Variants in NDUFS4 observed in about 807,000 individuals in gnomAD.
NDUFS4 encodes NADH dehydrogenase [ubiquinone] iron-sulfur protein 4, mitochondrial.
NDUFS4 carries 28 observed loss-of-function variants against 24.3 expected under a neutral mutation model. That is an observed-to-expected ratio of 1.15 (90% CI 0.85 to 1.58). The LOEUF (loss-of-function observed/expected upper bound fraction) is 1.58. Ranked by LOEUF, NDUFS4 falls within the 40% of genes most tolerant of loss-of-function variation. NDUFS4 has a pLI of 0.00. For missense variants in NDUFS4, 223 were observed against 207.9 expected (o/e 1.07, Z -0.45); for synonymous variants, 93 against 69.7 (o/e 1.34, Z -1.67).
intron 1 of NDUFS4, among the ~76,000 whole-genome samples, chr5:53,585,028 G>A (rs1749701529): frequency 6.6e-6 from 1 of 152,122 alleles, no homozygotes; most frequent in Non-Finnish European, 1.5e-5. Context: ...TCAGAAAAGT[G>A]TTGGGATTTC....
At chr5:53,623,315 G>A (rs1751110556) in intron 2 of NDUFS4, among the ~76,000 whole-genome samples, 1 of 152,154 alleles carries the variant, frequency 6.6e-6, no homozygotes, top group Non-Finnish European at 1.5e-5. Context: ...CCATCCTAAT[G>A]TGTGTGAAGT....
chr5:53,609,127 A>AATGTT (rs1291706313), intron 2 of NDUFS4, among the ~76,000 whole-genome samples: 1 of 152,186 alleles, frequency 6.6e-6, no homozygotes, highest in African/African-American at 2.4e-5. Context: ...ATGAGTCACA[A>AATGTT]ATGTTCTTAG....
chr5:53,675,198 G>A (rs1172108822), intron 4 of NDUFS4, among the ~76,000 whole-genome samples: 5 of 115,854 alleles, frequency 4.3e-5, no homozygotes, highest in African/African-American at 1.0e-4. Flanking sequence ...GTCTCACTCT[G>A]TCACCCAGGC....
At chr5:53,663,693 TCCTC>T (rs1752418052) in intron 4 of NDUFS4, among the ~76,000 whole-genome samples, 1 of 152,156 alleles carries the variant, frequency 6.6e-6, no homozygotes, top group Admixed American at 6.5e-5. Flanking sequence ...TGGTAGATCT[TCCTC>T]CATCCCTTTA....
chr5:53,564,699 G>A (rs1406611313), intron 1 of NDUFS4, among the ~76,000 whole-genome samples: 1 of 151,996 alleles, frequency 6.6e-6, no homozygotes, highest in Non-Finnish European at 1.5e-5. Context: ...TTGCCACCAC[G>A]CCCAGCTAAT....
At chr5:53,639,283 A>T (rs948978899) in intron 2 of NDUFS4, among the ~76,000 whole-genome samples, 1 of 151,872 alleles carries the variant, frequency 6.6e-6, no homozygotes, top group South Asian at 2.1e-4. Flanking sequence ...TATTCTGTAG[A>T]TTAATACTAT....
chr5:53,607,329 A>G (rs1750553779), intron 2 of NDUFS4, among the ~76,000 whole-genome samples: 1 of 152,210 alleles, frequency 6.6e-6, no homozygotes. Context: ...TGGCAGAATT[A>G]AGTTCTATAA....
chr5:53,651,531 A>G (rs72753662), intron 3 of NDUFS4, among the ~76,000 whole-genome samples: 14,066 of 151,890 alleles, frequency 0.093, 777 homozygotes, highest in Middle Eastern at 0.13. Flanking sequence ...TATTAAAAAT[A>G]TAAAATATTT....
chr5:53,605,648 C>G (rs1476251698), intron 2 of NDUFS4, among the ~76,000 whole-genome samples: 1 of 152,270 alleles, frequency 6.6e-6, no homozygotes, highest in Non-Finnish European at 1.5e-5. Context: ...GGGATTGGTT[C>G]TAGGACTCCC....
At chr5:53,589,952 TTGTGATGG>T (rs1749890186) in intron 1 of NDUFS4, among the ~76,000 whole-genome samples, 1 of 152,192 alleles carries the variant, frequency 6.6e-6, no homozygotes, top group Admixed American at 6.5e-5. Flanking sequence ...TTGTGGGACC[TTGTGATGG>T]TGTGAGTTAA....
chr5:53,618,045 G>T (rs1388921482), intron 2 of NDUFS4, among the ~76,000 whole-genome samples: 1 of 152,164 alleles, frequency 6.6e-6, no homozygotes, highest in Non-Finnish European at 1.5e-5. Context: ...AGGAGGCCTA[G>T]TTGTGAGGAT....
Position 53,564,137 on chromosome 5 carries a change from T to C in NDUFS4, c.98+3377T>C, listed in dbSNP as rs190057838. Among the ~76,000 whole-genome samples the C allele has an allele frequency of 1.4e-3, 220 of 152,298 alleles. 1 individual carries two copies. Among genetic ancestry groups the C allele is most frequent in the Non-Finnish European group, 2.7e-3 (186 of 68,022 alleles). Reference sequence around the variant, plus strand: ...TCTTTTATGCCCTGATCTGTGGCTTTATTCTGTTGCTGTGTTTGGTTCTTC... The same window carrying C: ...TCTTTTATGCCCTGATCTGTGGCTTCATTCTGTTGCTGTGTTTGGTTCTTC... On this transcript the variant is annotated intron_variant, in intron 1 of 4. Coordinates refer to ENST00000296684, the MANE Select transcript of NDUFS4 (RefSeq NM_002495.4).
intron 1 of NDUFS4, among the ~76,000 whole-genome samples, chr5:53,565,498 T>C (rs1043795330): frequency 6.6e-6 from 1 of 152,212 alleles, no homozygotes; most frequent in African/African-American, 2.4e-5. Context: ...TAAATGCTTA[T>C]CTTACAGATG....
intron 2 of NDUFS4, among the ~76,000 whole-genome samples, chr5:53,625,671 T>C (rs1462612717): frequency 5.9e-5 from 9 of 152,332 alleles, no homozygotes; most frequent in African/African-American, 1.9e-4. Context: ...TTAGATACTA[T>C]ATTTTTCAGC....
intron 4 of NDUFS4, among the ~76,000 whole-genome samples, chr5:53,678,708 A>G (rs1409700796): frequency 4.6e-5 from 7 of 152,262 alleles, no homozygotes; most frequent in African/African-American, 1.7e-4. Flanking sequence ...TTCTTATAGA[A>G]ATTTAAACAT....
chr5:53,678,717 A>G (rs777282014), intron 4 of NDUFS4, among the ~76,000 whole-genome samples: 10 of 152,198 alleles, frequency 6.6e-5, no homozygotes, highest in Non-Finnish European at 1.0e-4. Flanking sequence ...AAATTTAAAC[A>G]TTTAATATCT....
intron 3 of NDUFS4, among the ~76,000 whole-genome samples, chr5:53,649,327 C>A (rs990548849): frequency 5.9e-5 from 9 of 152,224 alleles, no homozygotes; most frequent in African/African-American, 2.2e-4. Context: ...ACACAGTGCC[C>A]AGCAGGCAGT....
At chr5:53,609,553 G>A (rs1244525644) in intron 2 of NDUFS4, among the ~76,000 whole-genome samples, 1 of 152,140 alleles carries the variant, frequency 6.6e-6, no homozygotes, top group African/African-American at 2.4e-5. Context: ...TTTCAGAATG[G>A]TCAGTGAGCA....
At chr5:53,580,719 CT>C (rs760465129) in intron 1 of NDUFS4, among the ~76,000 whole-genome samples, 1 of 119,010 alleles carries the variant, frequency 8.4e-6, no homozygotes, top group Non-Finnish European at 2.0e-5. Context: ...TTTCCTTTTC[CT>C]TTTCCTTTTC....
Sources: gnomAD v4.1 joint callset for allele counts (sites outside exome capture counted in the v4.1 genomes callset) on GRCh38, gnomAD v4.1.1 for gene constraint, MANE v1.5 for transcripts, NCBI Gene and HGNC (gene_info 2026-07-23, HGNC 2026-07-21) for gene names.